SSH1: variants seen among roughly 807,000 people sequenced by gnomAD.
The protein encoded by SSH1 is slingshot protein phosphatase 1.
Under a neutral mutation model 79.7 loss-of-function variants are expected in SSH1, and 43 were observed. The observed-to-expected ratio is 0.54, with a 90% confidence interval of 0.42 to 0.70. SSH1 has a LOEUF of 0.70. Ranked by LOEUF, SSH1 falls within the 30% of genes least tolerant of loss-of-function variation. SSH1 has a pLI of 0.00. For missense variants in SSH1, 1,206 were observed against 1,358.8 expected, an observed-to-expected ratio of 0.89 and a Z score of 1.77; for synonymous variants, 599 against 538.3, an observed-to-expected ratio of 1.11 and a Z score of -1.56.
intron 5 of SSH1, among the ~76,000 whole-genome samples, chr12:108,815,126 G>A (rs12579827): frequency 0.26 from 39,848 of 152,116 alleles, 5,599 homozygotes; most frequent in South Asian, 0.43. Flanking sequence ...GCTGCAGCCT[G>A]CTGGGAAAGA....
At position 108,786,272 on chromosome 12, in the gene SSH1, A is replaced by G. The variant is rs1441285318; in HGVS notation, c.*1716T>C. 2.0e-5 allele frequency: 3 copies of G among 152,280 alleles called. No individual in the cohort carries two copies. The highest frequency in any genetic ancestry group is 2.9e-5 in the Non-Finnish European group (2 of 68,058). 9.4% of individuals were successfully genotyped at this position (152,280 alleles called of 1,614,324 possible). A position where few individuals can be genotyped will look rare whatever the true frequency, so the allele number is the denominator to read the frequency against. ...TGAGGGCAAGATGGAATTGTGGAAG[A>G]GCTTCAGCCAACTGTGTTCACCTGC... On this transcript the variant is annotated 3_prime_UTR_variant, in exon 15 of 15. Coordinates refer to ENST00000326495, the MANE Select transcript of SSH1 (RefSeq NM_018984.4).
At position 108,852,639 on chromosome 12, in the gene SSH1, T is replaced by TGAGGTTTAATAAGCA; in HGVS notation, c.108_109insTGCTTATTAAACCTC (p.Leu36_Ser37insCysLeuLeuAsnLeu). 1 of 1,614,172 alleles carries TGAGGTTTAATAAGCA rather than the reference T, an allele frequency of 6.2e-7. No individual in the cohort carries two copies. The highest frequency in any genetic ancestry group is 8.5e-7 in the Non-Finnish European group (1 of 1,180,020). On this transcript the variant is annotated inframe_insertion and splice_region_variant, in exon 2 of 15. Transcript: ENST00000326495. The stretch of plus-strand genomic sequence containing the variant: ...AACAAGAATTGAAAGTCTGCTTACC[T>TGAGGTTTAATAAGCA]GAGGTTTAATTTTCGATCTTCTTCG...
chr12:108,786,552 CAT>C lies in SSH1; in HGVS notation c.*1434_*1435del, dbSNP rs896164103. On this transcript the variant is annotated 3_prime_UTR_variant, in exon 15 of 15. Transcript: ENST00000326495. ...TTTGTGGGCCACATGAATTCTGTCACATATTATTTCTTTTTTTTACAACTCCT... is the reference window on the plus strand; with the variant it reads ...TTTGTGGGCCACATGAATTCTGTCACATTATTTCTTTTTTTTACAACTCCT... The C allele has an allele frequency of 2.0e-5, 3 of 152,228 alleles. No homozygotes were observed. Among genetic ancestry groups the C allele is most frequent in the Non-Finnish European group, 4.4e-5 (3 of 68,048 alleles). The allele number at this position is 152,228 out of a possible 1,614,324, so 9.4% of individuals were successfully genotyped here.
rs1331082833 is a variant in SSH1, at chr12:108,807,265, C to CT, written c.731+367dup. 6.6e-6 allele frequency among the ~76,000 whole-genome samples: 1 copy of CT among 152,108 alleles called. No homozygotes were observed. Among genetic ancestry groups the CT allele is most frequent in the African/African-American group, 2.4e-5 (1 of 41,394 alleles). On this transcript the variant is annotated intron_variant, in intron 8 of 14. Transcript: ENST00000326495. The surrounding 1 kb of genome is among the most constrained non-coding windows in gnomAD (Gnocchi z 5.2). ...TCTCCTCAGAGCAGAGCGGGAGGCT[C>CT]TGAGAATTAAGTCTCTGGTAATCTG... is the stretch of plus-strand genomic sequence containing the variant.
At chr12:108,837,179 CTGAGA>C (rs1166732908) in intron 2 of SSH1, among the ~76,000 whole-genome samples, 2 of 152,172 alleles carry the variant, frequency 1.3e-5, no homozygotes, top group African/African-American at 4.8e-5. Flanking sequence ...TTGCAGCGAG[CTGAGA>C]TATCACCGCT....
intron 2 of SSH1, among the ~76,000 whole-genome samples, chr12:108,826,721 T>C (rs1266314576): frequency 1.3e-5 from 2 of 152,210 alleles, no homozygotes; most frequent in Non-Finnish European, 2.9e-5. Flanking sequence ...CAGCTTCTGA[T>C]GCCCAGAGGC....
At chr12:108,838,929 T>C (rs1025549532) in intron 2 of SSH1, among the ~76,000 whole-genome samples, 4 of 152,204 alleles carry the variant, frequency 2.6e-5, no homozygotes, top group Admixed American at 2.6e-4. Flanking sequence ...TGTACAAACC[T>C]TCCCCTTACT....
At chr12:108,840,914 C>A (rs963810012) in intron 2 of SSH1, among the ~76,000 whole-genome samples, 1 of 152,156 alleles carries the variant, frequency 6.6e-6, no homozygotes, top group African/African-American at 2.4e-5. Context: ...CCCAGCTAGA[C>A]CCCCATAAGC....
chr12:108,834,789 C>A (rs138662806), intron 2 of SSH1, among the ~76,000 whole-genome samples: 3 of 152,282 alleles, frequency 2.0e-5, no homozygotes, highest in African/African-American at 7.2e-5. Flanking sequence ...GATGTGAGGG[C>A]CAGGATGCAC....
intron 2 of SSH1, among the ~76,000 whole-genome samples, chr12:108,842,265 T>C (rs1020833396): frequency 2.0e-5 from 3 of 152,068 alleles, no homozygotes; most frequent in Non-Finnish European, 4.4e-5. Context: ...ATGACCCCAA[T>C]GTTTAAATAT....
At chr12:108,820,129 C>T (rs1219128953) in intron 3 of SSH1, among the ~76,000 whole-genome samples, 1 of 152,060 alleles carries the variant, frequency 6.6e-6, no homozygotes, top group Non-Finnish European at 1.5e-5. Flanking sequence ...CCTCTCACCT[C>T]AGCCTCCCAA....
At chr12:108,824,205 G>A (rs2137194853) in intron 2 of SSH1, among the ~76,000 whole-genome samples, 1 of 152,298 alleles carries the variant, frequency 6.6e-6, no homozygotes, top group East Asian at 1.9e-4. Context: ...AGCATTTTGG[G>A]AGGCCAAGGC....
Position 108,788,803 on chromosome 12 carries a change from G to C in SSH1, c.2335C>G (p.Pro779Ala), listed in dbSNP as rs1215869470. 1 of 1,614,230 alleles carries C rather than the reference G, an allele frequency of 6.2e-7. No homozygotes were observed. Among genetic ancestry groups the C allele is most frequent in the Non-Finnish European group, 8.5e-7 (1 of 1,180,042 alleles). The change falls in exon 15 of 15, where the codon CCC (proline) becomes GCC (alanine). Residue 779 changes from proline (P) to alanine (A), a missense_variant. Physicochemically the swap from Pro to Ala is conservative, Grantham distance 27. Transcript: ENST00000326495. ...TTGGCTGGCTTCATATCTTTCTTGG[G>C]TGACGATTCTTCCTTTATTACCACT... ...TEVVIKEESS[P>A]KKDMKPAKDL...
intron 14 of SSH1, among the ~76,000 whole-genome samples, chr12:108,791,646 C>A (rs1487894168): frequency 6.6e-6 from 1 of 152,134 alleles, no homozygotes; most frequent in Non-Finnish European, 1.5e-5. Flanking sequence ...GTGGTCCCAG[C>A]TACTCAGGAG....
In SSH1 at chr12:108,783,606, C is replaced by A. The variant is rs1482698922; in HGVS notation, c.*4382G>T. The A allele has an allele frequency of 6.6e-6, 1 of 152,198 alleles. No individual in the cohort carries two copies. Among genetic ancestry groups the A allele is most frequent in the Non-Finnish European group, 1.5e-5 (1 of 68,056 alleles). The allele number at this position is 152,198 out of a possible 1,614,324, so 9.4% of individuals were successfully genotyped here. On this transcript the variant is annotated 3_prime_UTR_variant, in exon 15 of 15. Transcript: ENST00000326495. ...CAGCACCTATGGCCAAACAAGAAGA[C>A]GGCAGTCTCTCCAGAACCACCCAGG...
At chr12:108,800,624 T>C (rs2036950420) in intron 12 of SSH1, among the ~76,000 whole-genome samples, 156 bp downstream of exon 12, 1 of 149,822 alleles carries the variant, frequency 6.7e-6, no homozygotes, top group Non-Finnish European at 1.5e-5. Flanking sequence ...CCATCCCACA[T>C]CAAGTCCACT....
intron 13 of SSH1, among the ~76,000 whole-genome samples, chr12:108,798,687 G>A (rs770418634): frequency 2.5e-4 from 38 of 152,206 alleles, no homozygotes; most frequent in Non-Finnish European, 2.9e-4. Flanking sequence ...AGCGAGATGC[G>A]CACGTGCTTA....
intron 13 of SSH1, among the ~76,000 whole-genome samples, chr12:108,793,147 A>T (rs2036587948): frequency 6.6e-6 from 1 of 152,136 alleles, no homozygotes; most frequent in Non-Finnish European, 1.5e-5. Flanking sequence ...CCTCATTGTC[A>T]CGTCAGTTAC....
rs896855098 is a variant in SSH1 at position 108,779,276 on chromosome 12, T to C, written c.*8712A>G. ...ACAATTTCCATTTAAAGGCAAAATA[T>C]GGTGAATATGATCTACGGGAAAGAA... On this transcript the variant is annotated 3_prime_UTR_variant, in exon 15 of 15. Transcript: ENST00000326495. 1.3e-5 allele frequency: 2 copies of C among 152,170 alleles called. No individual in the cohort carries two copies. Among genetic ancestry groups the C allele is most frequent in the Non-Finnish European group, 2.9e-5 (2 of 68,036 alleles). The allele number at this position is 152,170 out of a possible 1,614,324, so 9.4% of individuals were successfully genotyped here.
Sources: allele counts gnomAD v4.1 joint callset (sites outside exome capture counted in the v4.1 genomes callset), GRCh38; gene constraint gnomAD v4.1.1; non-coding constraint Gnocchi (gnomAD v3.1); transcripts MANE v1.5; gene names NCBI Gene and HGNC (gene_info 2026-07-23, HGNC 2026-07-21).